Variants in EEFSEC observed in about 807,000 individuals in gnomAD.
EEFSEC encodes the protein eukaryotic elongation factor, selenocysteine-tRNA specific.
Under a neutral mutation model 42.1 loss-of-function variants are expected in EEFSEC, and 43 were observed. That is an observed-to-expected ratio of 1.02 (90% confidence interval 0.80 to 1.32). The LOEUF (loss-of-function observed/expected upper bound fraction) is 1.32, where lower values mean the gene tolerates loss of function less well. Ranked by LOEUF, EEFSEC falls within the 40% of genes most tolerant of loss-of-function variation. The pLI, the probability that EEFSEC is intolerant of heterozygous loss-of-function variation, is 0.00. For missense variants in EEFSEC, 745 were observed against 803.6 expected (o/e 0.93, Z 0.88); for synonymous variants, 354 against 339.1 (o/e 1.04, Z -0.48).
intron 6 of EEFSEC, among the ~76,000 whole-genome samples, chr3:128,366,976 G>A (rs1429427894): frequency 6.6e-6 from 1 of 152,208 alleles, no homozygotes; most frequent in East Asian, 1.9e-4. Context: ...GGAAGTCCAA[G>A]ATCAAGGTGT....
chr3:128,281,388 G>A (rs573579169), intron 4 of EEFSEC, among the ~76,000 whole-genome samples: 34 of 152,308 alleles, frequency 2.2e-4, no homozygotes, highest in African/African-American at 8.2e-4. Flanking sequence ...TTGGGGTCTT[G>A]AGAGAGAAGG....
At chr3:128,238,622 C>T (rs530768470) in intron 1 of EEFSEC, among the ~76,000 whole-genome samples, 2 of 152,306 alleles carry the variant, frequency 1.3e-5, no homozygotes, top group African/African-American at 4.8e-5. Context: ...ATTCTCGTGT[C>T]TCAGCCTCCA....
At position 128,153,732 on chromosome 3, in the gene EEFSEC, C is replaced by T; in HGVS notation, c.225C>T (p.Pro75=). 1 of 1,550,354 alleles carries T rather than the reference C, an allele frequency of 6.5e-7. No individual in the cohort carries two copies. Among genetic ancestry groups the T allele is most frequent in the East Asian group, 2.5e-5 (1 of 40,698 alleles). The change falls in exon 1 of 7, where the codon CCC becomes CCT. Residue 75 remains proline, a synonymous_variant. Transcript: ENST00000254730. ...CTTTGCCCGAGTTCCAGGCAGCGCC[C>T]GAGGCCGAGCCCGAGCCCGGCGAGC... ...RSSLPEFQAA[P]EAEPEPGEPL...
At chr3:128,177,863 T>G (rs1277053759) in intron 1 of EEFSEC, among the ~76,000 whole-genome samples, 1 of 152,090 alleles carries the variant, frequency 6.6e-6, no homozygotes, top group Non-Finnish European at 1.5e-5. Context: ...GAAGGCAGAG[T>G]ATCAGACAGG....
At chr3:128,180,773 G>T (rs1221344738) in intron 1 of EEFSEC, among the ~76,000 whole-genome samples, 1 of 152,198 alleles carries the variant, frequency 6.6e-6, no homozygotes, top group Non-Finnish European at 1.5e-5. Context: ...ATTGAGGCCT[G>T]GGAATTGCTG....
chr3:128,378,918 G>A (rs1200325081), intron 6 of EEFSEC, among the ~76,000 whole-genome samples: 1 of 152,234 alleles, frequency 6.6e-6, no homozygotes, highest in Non-Finnish European at 1.5e-5. Flanking sequence ...ACTGGGTTCT[G>A]TCCCACACAG....
chr3:128,218,259 G>A (rs1199732152), intron 1 of EEFSEC, among the ~76,000 whole-genome samples: 1 of 152,164 alleles, frequency 6.6e-6, no homozygotes, highest in East Asian at 1.9e-4. Context: ...AGTTGGCTCT[G>A]GCCCCTTCAC....
At position 128,246,951 on chromosome 3, in the gene EEFSEC, G is replaced by A; in HGVS notation, c.432G>A (p.Val144=). ...GQIACQKLVV[V]LNKIDLLPEG... ...TTGCCTGCCAGAAGCTGGTCGTGGTGCTGAACAAAATAGACCTCTTACCTG... is the reference window on the plus strand; with the variant it reads ...TTGCCTGCCAGAAGCTGGTCGTGGTACTGAACAAAATAGACCTCTTACCTG... Residue 144 remains valine (V), a synonymous_variant, in exon 2 of 7, where the codon GTG becomes GTA. Transcript: ENST00000254730. 6 of 1,614,208 alleles carry A rather than the reference G, an allele frequency of 3.7e-6. No homozygotes were observed. The highest frequency in any genetic ancestry group is 5.1e-6 in the Non-Finnish European group (6 of 1,180,040).
chr3:128,348,151 C>A (rs2067334762), intron 5 of EEFSEC, among the ~76,000 whole-genome samples: 1 of 151,944 alleles, frequency 6.6e-6, no homozygotes, highest in Non-Finnish European at 1.5e-5. Flanking sequence ...AGAGAAAAAA[C>A]CCTAATAGAT....
chr3:128,301,644 C>T (rs780543228), intron 4 of EEFSEC, among the ~76,000 whole-genome samples: 2 of 152,174 alleles, frequency 1.3e-5, no homozygotes, highest in Non-Finnish European at 2.9e-5. Context: ...TCCTTAGGCA[C>T]CTCTTCCTTC....
intron 6 of EEFSEC, among the ~76,000 whole-genome samples, chr3:128,372,405 T>C (rs16844154): frequency 0.019 from 2,827 of 152,290 alleles, 95 homozygotes; most frequent in African/African-American, 0.063. Context: ...CTGAAGCCTT[T>C]AAATACATGT....
chr3:128,173,975 A>G (rs1285459396), intron 1 of EEFSEC, among the ~76,000 whole-genome samples: 2 of 152,200 alleles, frequency 1.3e-5, no homozygotes, highest in Non-Finnish European at 2.9e-5. Flanking sequence ...CCCTATCCGC[A>G]TTCTCGCACA....
intron 2 of EEFSEC, among the ~76,000 whole-genome samples, chr3:128,247,639 G>A (rs757694058): frequency 6.6e-6 from 1 of 152,210 alleles, no homozygotes; most frequent in African/African-American, 2.4e-5. Flanking sequence ...AGCATCTTCT[G>A]CCAAGGAGTT....
At chr3:128,384,537 C>T (rs931775643) in intron 6 of EEFSEC, among the ~76,000 whole-genome samples, 15 of 152,182 alleles carry the variant, frequency 9.9e-5, no homozygotes, top group Admixed American at 6.5e-4. Context: ...GCCCTGTAGG[C>T]GGGCACCCGT....
chr3:128,287,859 G>A (rs1291184255), intron 4 of EEFSEC, among the ~76,000 whole-genome samples: 2 of 152,196 alleles, frequency 1.3e-5, no homozygotes, highest in Non-Finnish European at 1.5e-5. Context: ...TCTAGAAATA[G>A]TCTATGTGCA....
intron 1 of EEFSEC, among the ~76,000 whole-genome samples, chr3:128,160,709 A>G (rs527434199): frequency 1.3e-5 from 2 of 152,316 alleles, no homozygotes; most frequent in South Asian, 2.1e-4. Context: ...GAAGGAAATT[A>G]TAACAGTTGT....
intron 1 of EEFSEC, among the ~76,000 whole-genome samples, chr3:128,174,193 G>A (rs939279475): frequency 6.6e-6 from 1 of 152,212 alleles, no homozygotes; most frequent in African/African-American, 2.4e-5. Context: ...AAAAAGGCCA[G>A]TGAAACCCAG....
chr3:128,282,041 A>T (rs1457530214), intron 4 of EEFSEC, among the ~76,000 whole-genome samples: 1 of 151,372 alleles, frequency 6.6e-6, no homozygotes, highest in African/African-American at 2.4e-5. Flanking sequence ...GAGCTCTGAG[A>T]CTCTCCCACA....
Position 128,153,643 on chromosome 3 carries a change from G to A in EEFSEC, c.136G>A (p.Gly46Ser). The A allele has an allele frequency of 6.3e-7, 1 of 1,598,580 alleles. No individual in the cohort carries two copies. Among genetic ancestry groups the A allele is most frequent in the Non-Finnish European group, 8.5e-7 (1 of 1,178,092 alleles). Residue 46 changes from glycine to serine, a missense_variant, in exon 1 of 7, where the codon GGC (glycine) becomes AGC (serine). Physicochemically the swap from Gly to Ser is moderately conservative, Grantham distance 56. Transcript: ENST00000254730. ...FDKQPQSRER[G>S]ITLDLGFSCF... Reference sequence around the variant, plus strand: ...CAAGCAGCCGCAGAGCCGCGAGCGCGGCATCACGCTCGATCTGGGCTTCTC... The same window carrying A: ...CAAGCAGCCGCAGAGCCGCGAGCGCAGCATCACGCTCGATCTGGGCTTCTC...
Sources: allele counts gnomAD v4.1 joint callset (sites outside exome capture counted in the v4.1 genomes callset), GRCh38; gene constraint gnomAD v4.1.1; transcripts MANE v1.5; gene names NCBI Gene and HGNC (gene_info 2026-07-23, HGNC 2026-07-21).